AFF2: variants seen among roughly 807,000 people sequenced by gnomAD.
The protein encoded by AFF2 is ALF transcription elongation factor 2.
In AFF2, 14 loss-of-function variants were observed where a neutral mutation model predicts 76.9. The ratio of observed to expected loss-of-function variants is 0.18; its 90% CI spans 0.12 to 0.28. The LOEUF (loss-of-function observed/expected upper bound fraction) is 0.28, where lower values mean the gene tolerates loss of function less well. Ranked by LOEUF, AFF2 falls within the 10% of genes least tolerant of loss-of-function variation. The pLI, the probability that AFF2 is intolerant of heterozygous loss-of-function variation, is 1.00. For synonymous variants in AFF2, 398 were observed against 366.7 expected, an observed-to-expected ratio of 1.09 and a Z score of -0.98; for missense variants, 868 against 1,001.1, an observed-to-expected ratio of 0.87 and a Z score of 1.79.
chrX:148,518,336 A>G (rs187884450), intron 1 of AFF2, among the ~76,000 whole-genome samples: 96 of 111,993 alleles, frequency 8.6e-4, no homozygotes, highest in African/African-American at 3.0e-3. Flanking sequence ...TGTGGTGAGA[A>G]GTTTATTGTA....
At chrX:148,872,692 T>A (rs2070991898) in intron 7 of AFF2, among the ~76,000 whole-genome samples, 1 of 112,130 alleles carries the variant, frequency 8.9e-6, no homozygotes, top group Non-Finnish European at 1.9e-5. Context: ...AAACACTTGT[T>A]TCTCACGTAA....
rs1557287403 is a variant in AFF2, at chrX:148,956,509, G to A, written c.2464G>A (p.Ala822Thr). Residue 822 changes from alanine (A) to threonine (T), a missense_variant, in exon 11 of 21, where the codon GCA becomes ACA. Physicochemically the swap from Ala to Thr is moderately conservative, Grantham distance 58. Around this residue, in one of 6 missense-constraint regions of AFF2, gnomAD observed 532 missense variants for 564.2 expected, o/e 0.94. Transcript: ENST00000370460. The part of the protein sequence containing the change: ...RVPGHSSLHA[A>T]PAKPDHKETA... ...ACCTGGCCACAGCTCACTCCATGCA[G>A]CACCTGCCAAGCCAGACCACAAGGA... is the stretch of plus-strand genomic sequence containing the variant. The A allele has an allele frequency of 8.3e-6, 10 of 1,210,284 alleles. No individual in the cohort carries two copies. Among genetic ancestry groups the A allele is most frequent in the Middle Eastern group, 2.3e-4 (1 of 4,375 alleles).
chrX:148,927,246 G>T (rs910235957), intron 9 of AFF2, among the ~76,000 whole-genome samples: 2 of 112,049 alleles, frequency 1.8e-5, no homozygotes, highest in African/African-American at 6.5e-5. Context: ...AGGGAGTATG[G>T]CTGAGGCAGG....
intron 2 of AFF2, among the ~76,000 whole-genome samples, chrX:148,660,398 A>G (rs1385792116): frequency 1.8e-5 from 2 of 111,318 alleles, no homozygotes; most frequent in Non-Finnish European, 3.8e-5. Flanking sequence ...TTCTTTCCCC[A>G]GACGACTTCA....
At chrX:148,833,559 G>A (rs1208918508) in intron 4 of AFF2, among the ~76,000 whole-genome samples, 7 of 107,555 alleles carry the variant, frequency 6.5e-5, no homozygotes, top group Admixed American at 1.0e-4. Context: ...CCAATATGGC[G>A]CCACTGCACT....
intron 3 of AFF2, among the ~76,000 whole-genome samples, chrX:148,767,861 A>G (rs2069538014): frequency 1.8e-5 from 2 of 111,610 alleles, no homozygotes; most frequent in Non-Finnish European, 3.8e-5. Context: ...AGTCAACTCT[A>G]TTTCTTTTTC....
chrX:148,847,443 C>T (rs2070680845), intron 7 of AFF2, among the ~76,000 whole-genome samples: 2 of 111,851 alleles, frequency 1.8e-5, no homozygotes, highest in Non-Finnish European at 3.8e-5. Flanking sequence ...CCATCCAGAC[C>T]CCCATTTAAC....
At chrX:148,815,556 T>A (rs782431024) in intron 4 of AFF2, among the ~76,000 whole-genome samples, 2 of 111,957 alleles carry the variant, frequency 1.8e-5, no homozygotes, top group South Asian at 7.4e-4. Context: ...ATGTGAACAA[T>A]GCAGGTAAGC....
At chrX:148,930,064 AC>A (rs2071695012) in intron 9 of AFF2, among the ~76,000 whole-genome samples, 1 of 111,809 alleles carries the variant, frequency 8.9e-6, no homozygotes, top group Non-Finnish European at 1.9e-5. Context: ...CATGATTTTT[AC>A]CGGCAAATGG....
chrX:148,737,799 C>T (rs1222760793), intron 3 of AFF2, among the ~76,000 whole-genome samples: 1 of 111,360 alleles, frequency 9.0e-6, no homozygotes, highest in African/African-American at 3.3e-5. Flanking sequence ...TCCTTGTATA[C>T]CAATTTTGCT....
chrX:148,671,706 G>A (rs2054425505), intron 3 of AFF2, among the ~76,000 whole-genome samples: 1 of 111,033 alleles, frequency 9.0e-6, no homozygotes, highest in African/African-American at 3.3e-5. Flanking sequence ...GTAAATATGG[G>A]AAGACTCAAA....
rs2054552001 is a variant in AFF2, at chrX:148,681,673, AGAAAG to A, written c.1041+18911_1041+18915del. On this transcript the variant is annotated intron_variant, in intron 3 of 20. Transcript: ENST00000370460. ...AAGAGAAAGAAAGAAAGAGAAAGAAAGAAAGGAAAGAAAGAAAAAGAGAAAGAAAG... is the reference window on the plus strand; with the variant it reads ...AAGAGAAAGAAAGAAAGAGAAAGAAAGAAAGAAAGAAAAAGAGAAAGAAAG... Among the ~76,000 whole-genome samples, 4 of 109,652 alleles carry A rather than the reference AGAAAG, an allele frequency of 3.6e-5. No homozygotes were observed. The South Asian group carries it at 1.6e-3, about 43-fold the overall frequency.
chrX:148,650,551 G>A (rs781820975), intron 1 of AFF2, among the ~76,000 whole-genome samples: 7 of 112,275 alleles, frequency 6.2e-5, no homozygotes, highest in African/African-American at 2.3e-4. Flanking sequence ...TTATGAAAGT[G>A]TAATGTGCAT....
intron 19 of AFF2, among the ~76,000 whole-genome samples, chrX:148,986,997 G>A (rs2072479703): frequency 9.0e-6 from 1 of 111,215 alleles, no homozygotes; most frequent in African/African-American, 3.3e-5. Flanking sequence ...TGGAGACTTT[G>A]GTGTTTAATG....
At chrX:148,741,087 C>T (rs2055345161) in intron 3 of AFF2, among the ~76,000 whole-genome samples, 1 of 111,636 alleles carries the variant, frequency 9.0e-6, no homozygotes, top group Non-Finnish European at 1.9e-5. Context: ...GGGCCCTTAG[C>T]TTTGGTGATT....
intron 3 of AFF2, among the ~76,000 whole-genome samples, chrX:148,747,973 A>T (rs1414372221): frequency 8.9e-6 from 1 of 112,186 alleles, no homozygotes; most frequent in African/African-American, 3.2e-5. Context: ...TAAGTTAGAA[A>T]TGGGCTCAAA....
chrX:148,968,966 T>C (rs1249740519), intron 15 of AFF2, among the ~76,000 whole-genome samples: 2 of 112,381 alleles, frequency 1.8e-5, no homozygotes, highest in East Asian at 5.6e-4. Flanking sequence ...TACAGAGCAC[T>C]CAAGTGCTCC....
chrX:148,603,450 A>G (rs1309036637), intron 1 of AFF2, among the ~76,000 whole-genome samples: 1 of 43,473 alleles, frequency 2.3e-5, no homozygotes, highest in Admixed American at 3.1e-4. Context: ...TTCTTTCATT[A>G]GGTGGTTTTT....
intron 9 of AFF2, among the ~76,000 whole-genome samples, chrX:148,917,680 G>A (rs1269064289): frequency 8.9e-6 from 1 of 112,331 alleles, no homozygotes; most frequent in Non-Finnish European, 1.9e-5. Flanking sequence ...CTAAGGGAGC[G>A]GCCCTTAAGC....
Sources: allele counts gnomAD v4.1 joint callset (sites outside exome capture counted in the v4.1 genomes callset), GRCh38; gene constraint gnomAD v4.1.1; regional missense constraint gnomAD v4.1.1; transcripts MANE v1.5; gene names NCBI Gene and HGNC (gene_info 2026-07-23, HGNC 2026-07-21).